Variants in PDE10A observed in about 807,000 individuals in gnomAD.
PDE10A encodes the protein cAMP and cAMP-inhibited cGMP 3',5'-cyclic phosphodiesterase 10A.
In PDE10A, 39 loss-of-function variants were observed where a neutral mutation model predicts 97.7. That is an observed-to-expected ratio of 0.40 (90% CI 0.31 to 0.52). The LOEUF is 0.52. PDE10A is among the 20% of genes least tolerant of loss of function. PDE10A has a pLI of 0.56. For synonymous variants in PDE10A, 371 were observed against 376.8 expected, an observed-to-expected ratio of 0.98 and a Z score of 0.18; for missense variants, 731 against 1,047.8, an observed-to-expected ratio of 0.70 and a Z score of 4.17.
intron 1 of PDE10A, among the ~76,000 whole-genome samples, chr6:165,758,053 C>T (rs1793158514): frequency 6.6e-6 from 1 of 152,156 alleles, no homozygotes; most frequent in South Asian, 2.1e-4. Flanking sequence ...TATTCTTCAC[C>T]TGAACTGTCA....
chr6:165,591,832 C>T (rs974349484), intron 1 of PDE10A, among the ~76,000 whole-genome samples: 9 of 152,110 alleles, frequency 5.9e-5, no homozygotes, highest in Admixed American at 4.6e-4. Context: ...ATAAAGCTGA[C>T]CTATTCATTC....
chr6:165,342,663 C>G (rs1316492960), intron 19 of PDE10A, among the ~76,000 whole-genome samples: 2 of 152,202 alleles, frequency 1.3e-5, no homozygotes, highest in African/African-American at 4.8e-5. Context: ...TTTATTTATT[C>G]AAACCAGAAG....
intron 1 of PDE10A, among the ~76,000 whole-genome samples, chr6:165,847,923 T>C (rs1780464221): frequency 6.6e-6 from 1 of 152,210 alleles, no homozygotes; most frequent in African/African-American, 2.4e-5. Flanking sequence ...CAATGGAAAT[T>C]TGCATTTCAA....
chr6:165,488,468 G>T lies in PDE10A; in HGVS notation c.995-6125C>A, dbSNP rs565000135. 3.3e-5 allele frequency among the ~76,000 whole-genome samples: 5 copies of T among 152,272 alleles called. No individual in the cohort carries two copies. In the South Asian group the frequency reaches 1.0e-3, roughly 32 times the overall value. ...TTATAAATCAAAATCTGGGAAAATG[G>T]TGGATAGGAGGCAGGCCTAACTTGC... is the stretch of plus-strand genomic sequence containing the variant. On this transcript the variant is annotated intron_variant, in intron 2 of 21. Transcript: ENST00000539869.
At chr6:165,494,455 T>C (rs78938753) in intron 2 of PDE10A, among the ~76,000 whole-genome samples, 1 of 134,010 alleles carries the variant, frequency 7.5e-6, no homozygotes, top group Non-Finnish European at 1.6e-5. Context: ...AAAGAAAATG[T>C]GGGGGGGGGT....
chr6:165,643,335 A>G (rs1300486161), intron 1 of PDE10A, among the ~76,000 whole-genome samples: 1 of 152,080 alleles, frequency 6.6e-6, no homozygotes, highest in Non-Finnish European at 1.5e-5. Flanking sequence ...ATGTGGATGG[A>G]GCCTTGCCAT....
In PDE10A at chr6:165,450,344, G is replaced by A; in HGVS notation, c.1042C>T (p.Gln348Ter). 6.5e-7 allele frequency: 1 copy of A among 1,542,308 alleles called. No individual in the cohort carries two copies. ...CTGTTTAGTTCATATACAACTCCCT[G>A]CATATTCGTATCTTGGTACTTTGGA... The part of the protein sequence containing the change: ...EVSRYQDTNM[Q>*]GVVYELNSYI... The change falls in exon 4 of 22, where the codon CAG becomes TAG. Residue 348 changes from glutamine (Q) to a stop codon, truncating the protein, a stop_gained. Transcript: ENST00000539869. LOFTEE classifies it high-confidence loss of function.
chr6:165,606,153 G>GA (rs71029555), intron 1 of PDE10A, among the ~76,000 whole-genome samples: 38,013 of 112,992 alleles, frequency 0.34, 6,834 homozygotes, highest in Middle Eastern at 0.51. Context: ...ACGAACAAGC[G>GA]AAAAAAAAAA....
At chr6:165,342,917 T>A (rs1310941621) in intron 19 of PDE10A, among the ~76,000 whole-genome samples, 1 of 152,240 alleles carries the variant, frequency 6.6e-6, no homozygotes, top group Admixed American at 6.5e-5. Context: ...CCACACATTC[T>A]GCAGAACACA....
chr6:165,409,790 A>G (rs781281211), intron 13 of PDE10A: 25 of 152,160 alleles, frequency 1.6e-4, no homozygotes, highest in Non-Finnish European at 2.9e-4. Flanking sequence ...ATCATTTCCA[A>G]TATCAACTAA....
chr6:165,979,265 G>C (rs533848118), intron 1 of PDE10A, among the ~76,000 whole-genome samples: 1 of 152,324 alleles, frequency 6.6e-6, no homozygotes, highest in Non-Finnish European at 1.5e-5. Flanking sequence ...TTAGCACCAA[G>C]GGAAGGAGCA....
In PDE10A at chr6:165,662,188, A is replaced by G. The variant is rs1790310081; in HGVS notation, c.624T>C (p.Arg208=). ...PALQGLLLPA[R]AGPRPPPPPR... is the part of the protein sequence containing the mutation. ...GCGGCGGCGGCGGCCGGGGACCGGC[A>G]CGGGCTGGAAGCAGCAAGCCCTGGA... Residue 208 remains arginine (R), a synonymous_variant, in exon 1 of 22, where the codon CGT becomes CGC. Transcript: ENST00000539869. 1 of 226,436 alleles carries G rather than the reference A, an allele frequency of 4.4e-6. No homozygotes were observed. Among genetic ancestry groups the G allele is most frequent in the African/African-American group, 2.4e-5 (1 of 41,848 alleles). 14.0% of individuals were successfully genotyped at this position (226,436 alleles called of 1,614,324 possible). A position where few individuals can be genotyped will look rare whatever the true frequency, so the allele number is the denominator to read the frequency against.
intron 1 of PDE10A, among the ~76,000 whole-genome samples, chr6:165,958,159 C>T (rs972972281): frequency 1.1e-4 from 17 of 152,090 alleles, no homozygotes; most frequent in Admixed American, 2.0e-4. Flanking sequence ...CCAGCGTCTC[C>T]GGGAACAATC....
intron 15 of PDE10A, among the ~76,000 whole-genome samples, chr6:165,394,228 C>T (rs13206337): frequency 0.3 from 45,352 of 151,874 alleles, 7,602 homozygotes; most frequent in Middle Eastern, 0.39. Context: ...GCCTCCCATC[C>T]CCCAACAGGC....
intron 18 of PDE10A, among the ~76,000 whole-genome samples, chr6:165,365,622 A>C (rs2128195894): frequency 6.6e-6 from 1 of 152,298 alleles, no homozygotes; most frequent in South Asian, 2.1e-4. Flanking sequence ...TGAAAGACTG[A>C]GGTAGGAGGA....
At chr6:165,395,144 C>T (rs780247235) in intron 15 of PDE10A, 37 bp downstream of exon 15, 4 of 1,326,130 alleles carry the variant, frequency 3.0e-6, no homozygotes, top group South Asian at 1.2e-5. Context: ...TTATGTCACC[C>T]AATATTTCAA....
intron 1 of PDE10A, among the ~76,000 whole-genome samples, chr6:165,585,318 T>A (rs1785844139): frequency 6.6e-6 from 1 of 152,218 alleles, no homozygotes; most frequent in Non-Finnish European, 1.5e-5. Context: ...TGGCCAGTTT[T>A]ATGTGGGAAC....
chr6:165,950,602 C>G (rs1783922645), intron 1 of PDE10A, among the ~76,000 whole-genome samples: 1 of 152,182 alleles, frequency 6.6e-6, no homozygotes, highest in Non-Finnish European at 1.5e-5. Context: ...CAGGAGACTC[C>G]CAATACCTGT....
intron 18 of PDE10A, among the ~76,000 whole-genome samples, chr6:165,365,095 A>G (rs1783684834): frequency 6.6e-6 from 1 of 152,064 alleles, no homozygotes; most frequent in South Asian, 2.1e-4. Context: ...TAAATGAAAA[A>G]TTTTATAAAA....
Sources: allele counts gnomAD v4.1 joint callset (sites outside exome capture counted in the v4.1 genomes callset), GRCh38; gene constraint gnomAD v4.1.1; transcripts MANE v1.5; gene names NCBI Gene and HGNC (gene_info 2026-07-23, HGNC 2026-07-21).